Variants in MANBA observed in about 807,000 individuals in gnomAD.
MANBA encodes the protein mannosidase beta.
MANBA carries 83 observed loss-of-function variants against 111.1 expected under a neutral mutation model. That is an observed-to-expected ratio of 0.75 (90% CI 0.63 to 0.90). MANBA has a LOEUF of 0.90. Among genes scored for constraint, MANBA ranks in the 40% least tolerant of loss-of-function variants. The pLI is 0.00. For synonymous variants in MANBA, 370 were observed against 378.7 expected (o/e 0.98, Z 0.27); for missense variants, 1,036 against 1,069.0 (o/e 0.97, Z 0.43).
At chr4:102,698,177 TC>T (rs1560780726) in intron 5 of MANBA, among the ~76,000 whole-genome samples, 1 of 152,222 alleles carries the variant, frequency 6.6e-6, no homozygotes, top group African/African-American at 2.4e-5. Context: ...TCTGTTCATG[TC>T]CTTTGCCCAC....
chr4:102,737,151 A>G (rs1450885106), intron 1 of MANBA, among the ~76,000 whole-genome samples: 1 of 152,190 alleles, frequency 6.6e-6, no homozygotes, highest in Admixed American at 6.5e-5. Context: ...GAGGGGAGTC[A>G]CAGGGTGAAG....
rs573908998 is a variant in MANBA at position 102,718,706 on chromosome 4, T to C, written c.550-4145A>G. Among the ~76,000 whole-genome samples the C allele has an allele frequency of 5.9e-5, 9 of 152,304 alleles. No homozygotes were observed. The South Asian group carries it at 1.9e-3, about 32-fold the overall frequency. ...GAATATCAGGGGAACCAGCCCCCAA[T>C]ATTTCAACATAGGTTCTTTTCTATT... is the stretch of plus-strand genomic sequence containing the variant. On this transcript the variant is annotated intron_variant, in intron 4 of 16. Coordinates refer to ENST00000647097, the MANE Select transcript of MANBA (RefSeq NM_005908.4).
At position 102,703,963 on chromosome 4, in the gene MANBA, C is replaced by T. The variant is rs1007066639; in HGVS notation, c.673+10475G>A. On this transcript the variant is annotated intron_variant, in intron 5 of 16. Transcript: ENST00000647097. ...ACAAAAAATAAGCCAGGCGTGGTGT[C>T]GAACACCTGTAGTACCAGCTACTCG... Among the ~76,000 whole-genome samples, 14 of 152,068 alleles carry T rather than the reference C, an allele frequency of 9.2e-5. No homozygotes were observed. In the East Asian group the frequency reaches 2.5e-3, roughly 27 times the overall value.
In MANBA at chr4:102,635,919, C is replaced by T. The variant is rs758450643; in HGVS notation, c.2103G>A (p.Thr701=). The change falls in exon 15 of 17, where the codon ACG becomes ACA. Residue 701 remains threonine, a synonymous_variant. Transcript: ENST00000647097. The part of the protein sequence containing the change: ...LLPVGFENEN[T]FYIYGVSDLH... ...GATCTGACACACCATAGATATAGAA[C>T]GTGTTTTCATTCTCAAAGCCTACTG... 3.1e-6 allele frequency: 5 copies of T among 1,611,044 alleles called. No homozygotes were observed. The highest frequency in any genetic ancestry group is 4.2e-6 in the Non-Finnish European group (5 of 1,177,308).
intron 7 of MANBA, among the ~76,000 whole-genome samples, chr4:102,683,097 T>C (rs1732056593): frequency 1.3e-5 from 2 of 151,932 alleles, no homozygotes; most frequent in African/African-American, 4.8e-5. Context: ...ACTAGTATTA[T>C]GTTGGTTTTT....
intron 1 of MANBA, among the ~76,000 whole-genome samples, chr4:102,744,341 G>A (rs187440096): frequency 4.3e-4 from 66 of 152,286 alleles, no homozygotes; most frequent in Admixed American, 9.2e-4. Context: ...AGTGTGTTTG[G>A]TACTTCTTGC....
chr4:102,651,721 A>G (rs1367343304), intron 12 of MANBA, among the ~76,000 whole-genome samples: 1 of 152,194 alleles, frequency 6.6e-6, no homozygotes, highest in Non-Finnish European at 1.5e-5. Flanking sequence ...ATCCTTCAGG[A>G]ACTGATTCAT....
intron 5 of MANBA, among the ~76,000 whole-genome samples, chr4:102,695,295 C>CA (rs1317009298): frequency 6.6e-6 from 1 of 151,910 alleles, no homozygotes; most frequent in African/African-American, 2.4e-5. Flanking sequence ...AAGCTTTATT[C>CA]AATTGTCTAG....
intron 5 of MANBA, among the ~76,000 whole-genome samples, chr4:102,703,439 C>T (rs1360418966): frequency 1.3e-5 from 2 of 151,744 alleles, no homozygotes; most frequent in Non-Finnish European, 2.9e-5. Flanking sequence ...CCGAAAAGAC[C>T]CCTTCTTGCC....
intron 9 of MANBA, 141 bp downstream of exon 9, chr4:102,671,140 A>C (rs1253583101): frequency 3.0e-6 from 2 of 674,810 alleles, no homozygotes; most frequent in Non-Finnish European, 5.4e-6. Context: ...CTTGGTTTAC[A>C]AGATGCCATT....
At chr4:102,653,220 GCACACACACACACACACACACACACA>G (rs71596357) in intron 12 of MANBA, among the ~76,000 whole-genome samples, 6 of 145,502 alleles carry the variant, frequency 4.1e-5, no homozygotes, top group Non-Finnish European at 3.0e-5. Flanking sequence ...AGATCTACAT[GCACACACACACACACACACACACACA>G]CACACACACA....
At chr4:102,760,660 C>T in intron 1 of MANBA, 58 bp downstream of exon 1, 1 of 1,481,878 alleles carries the variant, frequency 6.7e-7, no homozygotes, top group South Asian at 1.3e-5. Flanking sequence ...TCCTGGGCCC[C>T]TCTCAGCACC....
At position 102,635,877 on chromosome 4, in the gene MANBA, C is replaced by T. The variant is rs773556999; in HGVS notation, c.2145G>A (p.Ser715=). 57 of 1,611,968 alleles carry T rather than the reference C, an allele frequency of 3.5e-5. No homozygotes were observed. Among genetic ancestry groups the T allele is most frequent in the African/African-American group, 8.0e-5 (6 of 74,862 alleles). Residue 715 remains serine, a synonymous_variant, in exon 15 of 17, where the codon TCG becomes TCA. Transcript: ENST00000647097. ...CCAAGTAACTTACACTGAGTGTCAT[C>T]GAATAATCCGAGTGAAGATCTGACA... ...YGVSDLHSDY[S]MTLSVRVHTW...
intron 7 of MANBA, among the ~76,000 whole-genome samples, chr4:102,688,288 T>TGC (rs1251281616): frequency 1.5e-4 from 22 of 149,688 alleles, no homozygotes; most frequent in East Asian, 3.9e-4. Context: ...CATGTGTGCG[T>TGC]GCGCGCGCAC....
chr4:102,692,795 G>A (rs1184495367), intron 5 of MANBA, among the ~76,000 whole-genome samples: 2 of 151,878 alleles, frequency 1.3e-5, no homozygotes, highest in African/African-American at 2.4e-5. Context: ...GCTACTAGCT[G>A]AGAAGTATCT....
At chr4:102,744,261 C>T (rs926654105) in intron 1 of MANBA, among the ~76,000 whole-genome samples, 3 of 152,144 alleles carry the variant, frequency 2.0e-5, no homozygotes, top group Non-Finnish European at 4.4e-5. Context: ...ACCACTGGAC[C>T]CCTAGAAATT....
Position 102,760,863 on chromosome 4 carries a change from A to T in MANBA, c.32T>A (p.Leu11Gln). 3 of 1,571,638 alleles carry T rather than the reference A, an allele frequency of 1.9e-6. 1 individual carries two copies. The highest frequency in any genetic ancestry group is 2.3e-5 in the South Asian group (2 of 85,900). Residue 11 changes from leucine to glutamine, a missense_variant, in exon 1 of 17, where the codon CTG (leucine) becomes CAG (glutamine). Physicochemically the swap from Leu to Gln is moderately radical, Grantham distance 113. Transcript: ENST00000647097. Reference sequence around the variant, plus strand: ...CGCGGCGGTGGTGCCTGCACCGCACAGCGCGAGCAGCAGGAGCAGGTGGAG... The same window carrying T: ...CGCGGCGGTGGTGCCTGCACCGCACTGCGCGAGCAGCAGGAGCAGGTGGAG... MRLHLLLLLA[L>Q]CGAGTTAAEL...
At position 102,731,691 on chromosome 4, in the gene MANBA, T is replaced by C. The variant is rs78905355; in HGVS notation, c.178-5008A>G. ...TTTACATATGGCTGCTTTGGTGCTA[T>C]AGTGGCAGAGTTGAGTAGACATGAT... On this transcript the variant is annotated intron_variant, in intron 1 of 16. Coordinates refer to ENST00000647097, the MANE Select transcript of MANBA (RefSeq NM_005908.4). Among the ~76,000 whole-genome samples the C allele has an allele frequency of 5.7e-4, 87 of 152,276 alleles. No homozygotes were observed. The East Asian group carries it at 0.011, about 19-fold the overall frequency.
chr4:102,668,584 T>G, intron 10 of MANBA: 1 of 248,152 alleles, frequency 4.0e-6, no homozygotes, highest in East Asian at 1.0e-4. Flanking sequence ...CAAACAGTGG[T>G]GTTGCTGTTT....
Sources: gnomAD v4.1 joint callset for allele counts (sites outside exome capture counted in the v4.1 genomes callset) on GRCh38, gnomAD v4.1.1 for gene constraint, MANE v1.5 for transcripts, NCBI Gene and HGNC (gene_info 2026-07-23, HGNC 2026-07-21) for gene names.